Variants in ATRX observed in about 807,000 individuals in gnomAD.
ATRX encodes chromatin remodeler ATRX.
Under a neutral mutation model 172.6 loss-of-function variants are expected in ATRX, and 12 were observed. That is an observed-to-expected ratio of 0.07 (90% CI 0.04 to 0.11). The LOEUF (loss-of-function observed/expected upper bound fraction) is 0.11, where lower values mean the gene tolerates loss of function less well. Ranked by LOEUF, ATRX falls within the 10% of genes least tolerant of loss-of-function variation. The pLI, the probability that ATRX is intolerant of heterozygous loss-of-function variation, is 1.00. For synonymous variants in ATRX, 674 were observed against 594.7 expected (o/e 1.13, Z -1.94); for missense variants, 1,368 against 1,767.4 (o/e 0.77, Z 4.05).
intron 1 of ATRX, among the ~76,000 whole-genome samples, chrX:77,745,173 G>GAAAAAAAAAA (rs1247509964): frequency 1.1e-4 from 3 of 27,428 alleles, no homozygotes; most frequent in Non-Finnish European, 1.3e-4. Flanking sequence ...TCTCAAAAAT[G>GAAAAAAAAAA]AAAAAAAAAA....
rs1403706746 is a variant in ATRX, at chrX:77,556,524, C to T, written c.6699+927G>A. 2.7e-5 allele frequency among the ~76,000 whole-genome samples: 3 copies of T among 110,585 alleles called. No homozygotes were observed. The Admixed American group carries it at 2.9e-4, about 11-fold the overall frequency. Reference sequence around the variant, plus strand: ...TTGTGTAATCACAAACTCTAAATCTCAGCTTCCTGAGATAATGTATATGAG... The same window carrying T: ...TTGTGTAATCACAAACTCTAAATCTTAGCTTCCTGAGATAATGTATATGAG... On this transcript the variant is annotated intron_variant, in intron 30 of 34. Coordinates refer to ENST00000373344, the MANE Select transcript of ATRX (RefSeq NM_000489.6).
At chrX:77,549,292 C>T (rs1003563875) in intron 30 of ATRX, among the ~76,000 whole-genome samples, 14 of 111,285 alleles carry the variant, frequency 1.3e-4, no homozygotes, top group Admixed American at 1.2e-3. Context: ...GGCTGAGGCA[C>T]GAGAATCACT....
At chrX:77,723,507 TG>T (rs2073880509) in intron 1 of ATRX, among the ~76,000 whole-genome samples, 1 of 111,613 alleles carries the variant, frequency 9.0e-6, no homozygotes, top group South Asian at 3.8e-4. Context: ...TGGAGAGGGT[TG>T]TTTTACAAAA....
At chrX:77,780,335 T>C (rs2076526405) in intron 1 of ATRX, among the ~76,000 whole-genome samples, 1 of 108,487 alleles carries the variant, frequency 9.2e-6, no homozygotes, top group South Asian at 3.9e-4. Flanking sequence ...CTTATTTGTT[T>C]TTGTTTTTGT....
chrX:77,657,978 T>C (rs1256977451), intron 12 of ATRX, among the ~76,000 whole-genome samples: 2 of 111,487 alleles, frequency 1.8e-5, no homozygotes, highest in African/African-American at 6.5e-5. Context: ...GGAGGCCAAG[T>C]TGAGAGGATC....
At chrX:77,696,535 T>C in intron 5 of ATRX, 42 bp downstream of exon 5, 1 of 1,183,275 alleles carries the variant, frequency 8.5e-7, no homozygotes. Flanking sequence ...TGTTTAAAAA[T>C]TCATTTCAAC....
intron 1 of ATRX, among the ~76,000 whole-genome samples, chrX:77,763,540 G>A (rs1347315767): frequency 7.5e-5 from 8 of 106,582 alleles, no homozygotes; most frequent in African/African-American, 2.1e-4. Context: ...GCACGATCTC[G>A]GCTCACTGCA....
chrX:77,784,911 C>T, intron 1 of ATRX, among the ~76,000 whole-genome samples: 1 of 112,032 alleles, frequency 8.9e-6, no homozygotes, highest in Admixed American at 9.6e-5. Context: ...TATTTTGCCA[C>T]TGGACGCCAA....
intron 19 of ATRX, among the ~76,000 whole-genome samples, chrX:77,622,432 G>A (rs1194126580): frequency 9.0e-6 from 1 of 111,254 alleles, no homozygotes; most frequent in African/African-American, 3.3e-5. Context: ...AAGCCAAGCC[G>A]AGCGAAATAC....
rs2148592047 is a variant in ATRX at position 77,682,602 on chromosome X, C to G, written c.2654G>C (p.Arg885Thr). 8.3e-7 allele frequency: 1 copy of G among 1,210,280 alleles called. No homozygotes were observed. Among genetic ancestry groups the G allele is most frequent in the Non-Finnish European group, 1.1e-6 (1 of 894,959 alleles). ...GCCTTCTGCTGAAGAGAAAGTCTCT[C>G]TCTCTTGTTTTCTTTCAGCATCATC... ...SSDDAERKQE[R>T]ETFSSAEGTV... The change falls in exon 9 of 35, where the codon AGA (arginine) becomes ACA (threonine). Residue 885 changes from arginine (R) to threonine (T), a missense_variant. Coordinates refer to ENST00000373344, the MANE Select transcript of ATRX (RefSeq NM_000489.6).
At chrX:77,650,135 G>A (rs1386606949) in intron 15 of ATRX, among the ~76,000 whole-genome samples, 4 of 111,676 alleles carry the variant, frequency 3.6e-5, no homozygotes, top group African/African-American at 1.3e-4. Context: ...AACCAACAAC[G>A]TAATACTATG....
At chrX:77,730,379 A>G (rs782086988) in intron 1 of ATRX, among the ~76,000 whole-genome samples, 5 of 112,055 alleles carry the variant, frequency 4.5e-5, no homozygotes, top group African/African-American at 6.5e-5. Flanking sequence ...ACAGGCCCCA[A>G]TATGATAAAA....
intron 1 of ATRX, among the ~76,000 whole-genome samples, chrX:77,748,306 A>C (rs1255543127): frequency 3.6e-5 from 4 of 111,607 alleles, no homozygotes; most frequent in Middle Eastern, 4.2e-3. Context: ...GGAATGATTA[A>C]AGATCTGTGG....
chrX:77,688,759 T>G, intron 7 of ATRX, 59 bp downstream of exon 7: 1 of 974,371 alleles, frequency 1.0e-6, no homozygotes, highest in Non-Finnish European at 1.5e-6. Flanking sequence ...CTCAAAGGCC[T>G]GGTATATGGT....
intron 1 of ATRX, among the ~76,000 whole-genome samples, chrX:77,731,931 A>G (rs1557176305): frequency 9.0e-6 from 1 of 111,440 alleles, no homozygotes; most frequent in African/African-American, 3.3e-5. Flanking sequence ...GGACCCACTG[A>G]GTGCAGGTAC....
At chrX:77,678,614 G>C (rs1270713756) in intron 9 of ATRX, among the ~76,000 whole-genome samples, 2 of 111,192 alleles carry the variant, frequency 1.8e-5, no homozygotes, top group African/African-American at 6.6e-5. Flanking sequence ...AGCCTCCCAA[G>C]TAGCTGGGAT....
intron 1 of ATRX, among the ~76,000 whole-genome samples, chrX:77,747,368 A>G (rs1179441678): frequency 9.1e-6 from 1 of 109,985 alleles, no homozygotes; most frequent in Non-Finnish European, 1.9e-5. Context: ...TACTAAAAAT[A>G]CAAAAATCAG....
At chrX:77,759,909 T>C (rs946260381) in intron 1 of ATRX, among the ~76,000 whole-genome samples, 1 of 110,904 alleles carries the variant, frequency 9.0e-6, no homozygotes, top group African/African-American at 3.3e-5. Flanking sequence ...ATCCAAACTA[T>C]TATCAGTTCC....
chrX:77,560,471 T>C (rs1424176109), intron 28 of ATRX, among the ~76,000 whole-genome samples: 5 of 111,291 alleles, frequency 4.5e-5, no homozygotes, highest in African/African-American at 1.6e-4. Flanking sequence ...TAGTATTTCA[T>C]TGGATGATTG....
Sources: allele counts gnomAD v4.1 joint callset (sites outside exome capture counted in the v4.1 genomes callset), GRCh38; gene constraint gnomAD v4.1.1; transcripts MANE v1.5; gene names NCBI Gene and HGNC (gene_info 2026-07-23, HGNC 2026-07-21).